Variants in HDAC9 observed in about 807,000 individuals in gnomAD.
The protein encoded by HDAC9 is histone deacetylase 9.
A neutral mutation model predicts 139.4 loss-of-function variants in HDAC9; 41 were observed. The observed-to-expected ratio is 0.29, with a 90% CI of 0.23 to 0.38. HDAC9 has a LOEUF of 0.38. HDAC9 is among the 10% of genes least tolerant of loss of function. HDAC9 has a pLI of 1.00. For synonymous variants in HDAC9, 517 were observed against 476.2 expected (o/e 1.09, Z -1.12); for missense variants, 1,147 against 1,297.0 (o/e 0.88, Z 1.78).
intron 2 of HDAC9, among the ~76,000 whole-genome samples, chr7:18,239,991 T>A (rs941702243): frequency 2.0e-5 from 3 of 150,462 alleles, no homozygotes; most frequent in Non-Finnish European, 3.0e-5. Context: ...TGTCCTGGAC[T>A]TTGTCCAGGA....
chr7:18,934,182 A>C (rs1169325056), intron 22 of HDAC9, among the ~76,000 whole-genome samples: 1 of 152,102 alleles, frequency 6.6e-6, no homozygotes, highest in Non-Finnish European at 1.5e-5. Flanking sequence ...TAGTGATATA[A>C]TCCCTTTAAA....
At position 18,341,802 on chromosome 7, in the gene HDAC9, A is replaced by G. The variant is rs564876627; in HGVS notation, c.-42+51287A>G. ...CCTGGTAATTTTTTATTATATGTGA[A>G]ATAATGCAAATTTTACTTTCTTGGG... On this transcript the variant is annotated intron_variant, in intron 1 of 3. Transcript: ENST00000413509. Among the ~76,000 whole-genome samples, 10 of 151,812 alleles carry G rather than the reference A, an allele frequency of 6.6e-5. No individual in the cohort carries two copies. The South Asian group carries it at 1.2e-3, about 19-fold the overall frequency.
At chr7:18,295,560 T>C (rs1798088752) in intron 1 of HDAC9, among the ~76,000 whole-genome samples, 1 of 152,188 alleles carries the variant, frequency 6.6e-6, no homozygotes, top group Non-Finnish European at 1.5e-5. Flanking sequence ...ATCTTACTTC[T>C]ATCTTTACAT....
At chr7:18,473,952 G>T (rs1426136238) in intron 1 of HDAC9, among the ~76,000 whole-genome samples, 16 of 152,176 alleles carry the variant, frequency 1.1e-4, no homozygotes, top group Admixed American at 1.0e-3. Context: ...ACATCACTTA[G>T]GGTGCAGGAA....
At chr7:18,312,345 G>C (rs1057033990) in intron 1 of HDAC9, among the ~76,000 whole-genome samples, 1 of 152,010 alleles carries the variant, frequency 6.6e-6, no homozygotes. Flanking sequence ...AGAATGCTAT[G>C]CTGTGTGTGT....
At chr7:18,626,663 A>C (rs1332945917) in intron 6 of HDAC9, among the ~76,000 whole-genome samples, 1 of 152,158 alleles carries the variant, frequency 6.6e-6, no homozygotes, top group East Asian at 1.9e-4. Flanking sequence ...CCCAGTTCTC[A>C]TTCCTCTTCT....
chr7:18,904,392 A>G lies in HDAC9; in HGVS notation c.2803+29796A>G, dbSNP rs138277827. On this transcript the variant is annotated intron_variant, in intron 22 of 25. Transcript: ENST00000686413. Reference sequence around the variant, plus strand: ...ACTGTAATGATAAAGTGTGTGTGACATAAGATGTGCTCTCAAATCTCATAA... The same window carrying G: ...ACTGTAATGATAAAGTGTGTGTGACGTAAGATGTGCTCTCAAATCTCATAA... Among the ~76,000 whole-genome samples the G allele has an allele frequency of 1.2e-4, 19 of 152,264 alleles. No individual in the cohort carries two copies. In the East Asian group the frequency reaches 3.7e-3, roughly 29 times the overall value.
chr7:18,806,381 T>C (rs868744909), intron 17 of HDAC9, among the ~76,000 whole-genome samples: 7 of 152,152 alleles, frequency 4.6e-5, no homozygotes, highest in South Asian at 4.1e-4. Flanking sequence ...ATTCCTTTCC[T>C]TGTGGTCGTG....
chr7:18,375,485 C>A (rs200519860), intron 1 of HDAC9, among the ~76,000 whole-genome samples: 12,235 of 147,158 alleles, frequency 0.083, 808 homozygotes, highest in East Asian at 0.24. Context: ...ACAACAACAA[C>A]AAAAAAAAAA....
chr7:18,434,247 G>T (rs1034160406), intron 1 of HDAC9, among the ~76,000 whole-genome samples: 2 of 152,092 alleles, frequency 1.3e-5, no homozygotes, highest in Non-Finnish European at 2.9e-5. Context: ...TCCTTTCACC[G>T]TATACGAAAA....
intron 23 of HDAC9, among the ~76,000 whole-genome samples, chr7:18,945,968 C>A (rs1782359758): frequency 7.7e-6 from 1 of 129,646 alleles, no homozygotes; most frequent in Non-Finnish European, 1.6e-5. Context: ...ACCCAGGAGG[C>A]AGAGGTTGCA....
At chr7:18,331,365 A>G (rs1373359170) in intron 1 of HDAC9, among the ~76,000 whole-genome samples, 3 of 151,720 alleles carry the variant, frequency 2.0e-5, no homozygotes, top group Non-Finnish European at 4.4e-5. Flanking sequence ...ATGAAAAGAA[A>G]AGATGTGTTC....
At chr7:18,826,439 C>T (rs1795442379) in intron 17 of HDAC9, among the ~76,000 whole-genome samples, 1 of 152,026 alleles carries the variant, frequency 6.6e-6, no homozygotes, top group Admixed American at 6.5e-5. Flanking sequence ...TTCCTGAGAG[C>T]ACAATGCGAG....
chr7:18,242,793 C>G (rs148220958), intron 2 of HDAC9, among the ~76,000 whole-genome samples: 14 of 152,186 alleles, frequency 9.2e-5, no homozygotes, highest in African/African-American at 3.4e-4. Flanking sequence ...TCCTTAGTCT[C>G]TACAATTCAA....
chr7:18,112,358 C>T (rs570223630), intron 1 of HDAC9, among the ~76,000 whole-genome samples: 140 of 152,226 alleles, frequency 9.2e-4, no homozygotes, highest in Non-Finnish European at 1.4e-3. Flanking sequence ...GTTAAGAATG[C>T]GGACTACAGT....
intron 2 of HDAC9, among the ~76,000 whole-genome samples, chr7:18,524,105 G>T (rs1319169738): frequency 1.3e-5 from 2 of 152,068 alleles, no homozygotes; most frequent in Admixed American, 1.3e-4. Flanking sequence ...CTATTCTCAG[G>T]ATAGGTACTC....
chr7:18,717,518 GC>G (rs1464918503), intron 12 of HDAC9, among the ~76,000 whole-genome samples: 2 of 145,570 alleles, frequency 1.4e-5, no homozygotes, highest in East Asian at 2.0e-4. Context: ...TGCAACCTCC[GC>G]CCCCCAGGTT....
intron 2 of HDAC9, among the ~76,000 whole-genome samples, chr7:18,550,991 G>T (rs1439212057): frequency 6.6e-6 from 1 of 152,168 alleles, no homozygotes; most frequent in Admixed American, 6.5e-5. Flanking sequence ...TAGCTGTGAA[G>T]GTAGAGAGAA....
intron 1 of HDAC9, among the ~76,000 whole-genome samples, chr7:18,157,611 C>T (rs2128124461): frequency 6.6e-6 from 1 of 152,276 alleles, no homozygotes. Context: ...GGTCAGTGTT[C>T]TGACTCTGGT....
Sources: allele counts gnomAD v4.1 joint callset (sites outside exome capture counted in the v4.1 genomes callset), GRCh38; gene constraint gnomAD v4.1.1; transcripts MANE v1.5; gene names NCBI Gene and HGNC (gene_info 2026-07-23, HGNC 2026-07-21).